The following KDM4B variants were observed in gnomAD, a reference collection of about 807,000 sequenced individuals.
The protein encoded by KDM4B is lysine-specific demethylase 4B.
KDM4B carries 32 observed loss-of-function variants against 125.2 expected under a neutral mutation model. The observed-to-expected ratio is 0.26, with a 90% CI of 0.19 to 0.34. The LOEUF is 0.34. KDM4B is among the 10% of genes least tolerant of loss of function. KDM4B has a pLI of 1.00. For missense variants in KDM4B, 1,190 were observed against 1,577.7 expected, an observed-to-expected ratio of 0.75 and a Z score of 4.16; for synonymous variants, 721 against 677.9, an observed-to-expected ratio of 1.06 and a Z score of -0.99.
At chr19:5,134,120 C>T (rs1200284541) in intron 14 of KDM4B, 59 bp downstream of exon 14, 13 of 1,495,876 alleles carry the variant, frequency 8.7e-6, no homozygotes, top group Middle Eastern at 2.3e-4. Context: ...TGGGAGAGGG[C>T]GAGGGACCGG....
chr19:5,132,222 T>C (rs1165949616), intron 13 of KDM4B, among the ~76,000 whole-genome samples: 2 of 152,208 alleles, frequency 1.3e-5, no homozygotes, highest in African/African-American at 4.8e-5. Flanking sequence ...TGCTCGGCTC[T>C]GCTCTGCTGG....
chr19:4,969,905 C>T (rs2034193175), intron 1 of KDM4B, among the ~76,000 whole-genome samples: 1 of 151,748 alleles, frequency 6.6e-6, no homozygotes, highest in Admixed American at 6.6e-5. Flanking sequence ...AGAAAAAAAT[C>T]ATCTTGCTAT....
At chr19:5,038,873 C>T (rs2036716195) in intron 3 of KDM4B, among the ~76,000 whole-genome samples, 2 of 152,390 alleles carry the variant, frequency 1.3e-5, no homozygotes, top group African/African-American at 4.8e-5. Flanking sequence ...CTCCCTGCGC[C>T]TGCACTTCCT....
intron 1 of KDM4B, among the ~76,000 whole-genome samples, chr19:4,972,470 C>T (rs1224331554): frequency 6.6e-6 from 1 of 152,210 alleles, no homozygotes; most frequent in African/African-American, 2.4e-5. Context: ...CTCCCCACCT[C>T]TGCCCTATCC....
intron 1 of KDM4B, among the ~76,000 whole-genome samples, chr19:4,979,718 A>G (rs754594479): frequency 6.6e-6 from 1 of 152,224 alleles, no homozygotes; most frequent in Non-Finnish European, 1.5e-5. Flanking sequence ...ATTTTCTAGG[A>G]CAGCCTCCCT....
chr19:5,087,138 C>T (rs1211394921), intron 9 of KDM4B, among the ~76,000 whole-genome samples: 5 of 152,238 alleles, frequency 3.3e-5, no homozygotes, highest in African/African-American at 4.8e-5. Flanking sequence ...GGCCTAAACA[C>T]GGCCTCATTC....
At chr19:5,119,992 C>CAAG (rs2037879195) in intron 11 of KDM4B, 140 bp downstream of exon 11, 5 of 1,129,634 alleles carry the variant, frequency 4.4e-6, no homozygotes, top group Middle Eastern at 3.0e-4. Context: ...CAGGGTGGGG[C>CAAG]ATTTCGTGAA....
At chr19:5,003,403 C>T (rs1240103499) in intron 1 of KDM4B, among the ~76,000 whole-genome samples, 2 of 152,066 alleles carry the variant, frequency 1.3e-5, no homozygotes, top group South Asian at 2.1e-4. Context: ...ATTGCTTGAA[C>T]CCAGGAGGCG....
chr19:5,015,906 A>C (rs568473411), intron 1 of KDM4B, among the ~76,000 whole-genome samples: 1 of 152,130 alleles, frequency 6.6e-6, no homozygotes, highest in Non-Finnish European at 1.5e-5. Context: ...CATTTTCTGC[A>C]CTTTTCCCCT....
Position 5,108,107 on chromosome 19 carries a change from G to A in KDM4B, c.919-2515G>A, listed in dbSNP as rs1053013852. The stretch of plus-strand genomic sequence containing the variant: ...GGGCTCAGGCCGTGCTCCAGGCCGT[G>A]GCAGTGCACTCCGTGGAGCGTGTCT... On this transcript the variant is annotated intron_variant, in intron 9 of 22. Transcript: ENST00000159111. 2.6e-5 allele frequency among the ~76,000 whole-genome samples: 4 copies of A among 152,236 alleles called. No homozygotes were observed. In the East Asian group the frequency reaches 5.8e-4, roughly 22 times the overall value.
At chr19:5,068,250 C>T (rs1467883273) in intron 6 of KDM4B, among the ~76,000 whole-genome samples, 1 of 152,202 alleles carries the variant, frequency 6.6e-6, no homozygotes, top group Non-Finnish European at 1.5e-5. Flanking sequence ...GGCCCGAAGG[C>T]TCCCTGAGTC....
intron 10 of KDM4B, chr19:5,113,771 A>G (rs2039198685): frequency 2.0e-6 from 1 of 488,856 alleles, no homozygotes; most frequent in Non-Finnish European, 2.7e-6. Context: ...CCGCGTGGGA[A>G]CCCCTGCCCT....
At chr19:5,025,934 GTGCAATGGCACTATCTCGGCTCAA>G (rs2036264082) in intron 2 of KDM4B, among the ~76,000 whole-genome samples, 1 of 151,964 alleles carries the variant, frequency 6.6e-6, no homozygotes, top group South Asian at 2.1e-4. Context: ...CCAGGCTGGA[GTGCAATGGCACTATCTCGGCTCAA>G]TGCAACCTCT....
chr19:5,068,429 C>T (rs749116078), intron 6 of KDM4B, among the ~76,000 whole-genome samples: 4 of 152,226 alleles, frequency 2.6e-5, no homozygotes, highest in Non-Finnish European at 5.9e-5. Context: ...TCTGGTCCCC[C>T]GTCCTGGGGT....
intron 9 of KDM4B, among the ~76,000 whole-genome samples, chr19:5,091,060 A>C (rs1365563554): frequency 6.6e-6 from 1 of 152,240 alleles, no homozygotes; most frequent in African/African-American, 2.4e-5. Flanking sequence ...ATTTCACTCA[A>C]GGAAATAAAA....
intron 1 of KDM4B, among the ~76,000 whole-genome samples, chr19:5,007,641 G>T (rs994326985): frequency 6.7e-6 from 1 of 149,706 alleles, no homozygotes; most frequent in Non-Finnish European, 1.5e-5. Context: ...CAACTCCCAG[G>T]CTCAAGCGAT....
chr19:5,148,101 C>G (rs1309748681), intron 21 of KDM4B, among the ~76,000 whole-genome samples: 2 of 152,256 alleles, frequency 1.3e-5, no homozygotes, highest in Non-Finnish European at 2.9e-5. Flanking sequence ...CACGTGACCC[C>G]TCGAGATGCT....
Position 5,002,688 on chromosome 19 carries a change from C to T in KDM4B, c.-108-13569C>T, listed in dbSNP as rs970902141. Among the ~76,000 whole-genome samples, 11 of 149,534 alleles carry T rather than the reference C, an allele frequency of 7.4e-5. No homozygotes were observed. The East Asian group carries it at 1.1e-3, about 15-fold the overall frequency. On this transcript the variant is annotated intron_variant, in intron 1 of 22. Coordinates refer to ENST00000159111, the MANE Select transcript of KDM4B (RefSeq NM_015015.3). ...ATTAAAAAAAATAGTTAGCTGGGCA[C>T]GGTGGCTTACACCTGTAGTCCCCGG... is the stretch of plus-strand genomic sequence containing the variant.
At chr19:5,019,257 G>C (rs1338977030) in intron 2 of KDM4B, among the ~76,000 whole-genome samples, 1 of 147,502 alleles carries the variant, frequency 6.8e-6, no homozygotes, top group East Asian at 2.0e-4. Flanking sequence ...TTGGTGTGCA[G>C]GTGTTGGTGT....
Sources: gnomAD v4.1 joint callset for allele counts (sites outside exome capture counted in the v4.1 genomes callset) on GRCh38, gnomAD v4.1.1 for gene constraint, MANE v1.5 for transcripts, NCBI Gene and HGNC (gene_info 2026-07-23, HGNC 2026-07-21) for gene names.